The following ATP10B variants were observed in gnomAD, a reference collection of about 807,000 sequenced individuals.
The protein encoded by ATP10B is ATPase phospholipid transporting 10B (putative).
ATP10B carries 122 observed loss-of-function variants against 141.2 expected under a neutral mutation model. The ratio of observed to expected loss-of-function variants is 0.86; its 90% CI spans 0.75 to 1.00. ATP10B has a LOEUF of 1.00. ATP10B is among the 50% of genes least tolerant of loss of function. The pLI is 0.00. For missense variants in ATP10B, 1,876 were observed against 1,825.3 expected (o/e 1.03, Z -0.51); for synonymous variants, 685 against 692.0 (o/e 0.99, Z 0.16).
intron 18 of ATP10B, chr5:160,611,769 C>T (rs564468951): frequency 6.6e-6 from 1 of 152,386 alleles, no homozygotes; most frequent in East Asian, 1.9e-4. Context: ...TTTCCGTCTT[C>T]TTTCGTTTTC....
intron 1 of ATP10B, among the ~76,000 whole-genome samples, chr5:160,800,766 G>C (rs1380906305): frequency 2.0e-5 from 3 of 152,194 alleles, no homozygotes; most frequent in Non-Finnish European, 2.9e-5. Flanking sequence ...TGCTGAGTCT[G>C]AGCAGAAAGT....
chr5:160,870,055 G>C, the ATP10B span, among the ~76,000 whole-genome samples: 1 of 152,256 alleles, frequency 6.6e-6, no homozygotes, highest in East Asian at 1.9e-4. Context: ...AATATGATCA[G>C]AGCCTAACTG....
rs1446631726 is a variant in ATP10B, at chr5:160,653,100, GTATA to G, written c.676-3848_676-3845del. Among the ~76,000 whole-genome samples the G allele has an allele frequency of 2.5e-5, 3 of 119,800 alleles. No homozygotes were observed. In the East Asian group the frequency reaches 7.0e-4, roughly 28 times the overall value. The allele number at this position is 119,800 out of a possible 152,430, so 78.6% of individuals were successfully genotyped here. The stretch of plus-strand genomic sequence containing the variant: ...TAGTGTATATATTATATATACACGT[GTATA>G]TATAACATATACATGTATATATTAT... On this transcript the variant is annotated intron_variant, in intron 7 of 25. Coordinates refer to ENST00000327245, the MANE Select transcript of ATP10B (RefSeq NM_025153.3).
chr5:160,684,733 A>C lies in ATP10B; in HGVS notation c.470+1346T>G. 3 of 591,618 alleles carry C rather than the reference A, an allele frequency of 5.1e-6. No homozygotes were observed. In the South Asian group the frequency reaches 6.4e-5, roughly 13 times the overall value. 36.6% of individuals were successfully genotyped at this position (591,618 alleles called of 1,614,324 possible). ...ACAGCTTCCCTGAAATAAAATAATG[A>C]TATCTCCCTACTCCATCCCTTCTAC... On this transcript the variant is annotated intron_variant, in intron 6 of 25. Transcript: ENST00000327245.
the ATP10B span, among the ~76,000 whole-genome samples, chr5:160,875,161 GC>G: frequency 4.8e-5 from 6 of 124,608 alleles, no homozygotes; most frequent in South Asian, 1.5e-3. Flanking sequence ...TCAAAGGGAA[GC>G]CCATCACACT....
chr5:160,675,340 T>C (rs1762957703), intron 6 of ATP10B, among the ~76,000 whole-genome samples: 1 of 152,192 alleles, frequency 6.6e-6, no homozygotes, highest in African/African-American at 2.4e-5. Flanking sequence ...TCTGGCAGAT[T>C]CTGCCACGAG....
intron 1 of ATP10B, among the ~76,000 whole-genome samples, chr5:160,795,375 G>C (rs991856578): frequency 1.3e-5 from 2 of 152,070 alleles, no homozygotes; most frequent in Non-Finnish European, 2.9e-5. Flanking sequence ...ACTCAGATTG[G>C]TGTCTACTGT....
intron 24 of ATP10B, among the ~76,000 whole-genome samples, chr5:160,581,451 G>A (rs1164840173): frequency 6.6e-6 from 1 of 152,164 alleles, no homozygotes; most frequent in African/African-American, 2.4e-5. Flanking sequence ...CCATGTAGTT[G>A]TTCAGTTTCA....
At chr5:160,685,561 C>T (rs532396982) in intron 6 of ATP10B, among the ~76,000 whole-genome samples, 2 of 152,304 alleles carry the variant, frequency 1.3e-5, no homozygotes, top group Admixed American at 1.3e-4. Context: ...ACCCAAGCAA[C>T]TGAGGCTTTA....
At chr5:160,698,686 G>C (rs1475430271) in intron 3 of ATP10B, among the ~76,000 whole-genome samples, 1 of 151,190 alleles carries the variant, frequency 6.6e-6, no homozygotes, top group East Asian at 2.2e-4. Flanking sequence ...GTTGGGAGAT[G>C]AGATATATAT....
intron 7 of ATP10B, among the ~76,000 whole-genome samples, chr5:160,659,187 C>T (rs1253491734): frequency 3.3e-5 from 5 of 152,128 alleles, no homozygotes; most frequent in African/African-American, 7.2e-5. Flanking sequence ...CCTTTCAGGC[C>T]GGGCGCAGTG....
chr5:160,924,364 C>T, the ATP10B span, among the ~76,000 whole-genome samples: 1 of 152,164 alleles, frequency 6.6e-6, no homozygotes, highest in South Asian at 2.1e-4. Context: ...TTTCCTCTTC[C>T]TTAAAATAAT....
intron 16 of ATP10B, among the ~76,000 whole-genome samples, chr5:160,617,600 AT>A (rs768008254): frequency 6.6e-6 from 1 of 152,228 alleles, no homozygotes; most frequent in Non-Finnish European, 1.5e-5. Flanking sequence ...AACTGAAAAA[AT>A]GTCATGAGTT....
chr5:160,793,464 T>A (rs1771732829), intron 1 of ATP10B, among the ~76,000 whole-genome samples: 1 of 152,218 alleles, frequency 6.6e-6, no homozygotes, highest in South Asian at 2.1e-4. Context: ...TAACTATCCA[T>A]TATGAAGTAT....
At chr5:160,632,011 G>A (rs1023775992) in intron 13 of ATP10B, 118 bp downstream of exon 13, 6 of 868,374 alleles carry the variant, frequency 6.9e-6, no homozygotes, top group Middle Eastern at 3.4e-4. Flanking sequence ...ACAAAACCAA[G>A]GGCACCATTT....
At chr5:160,690,996 C>G (rs1764042686) in intron 3 of ATP10B, among the ~76,000 whole-genome samples, 1 of 152,072 alleles carries the variant, frequency 6.6e-6, no homozygotes, top group Admixed American at 6.5e-5. Context: ...GAAAATGTGG[C>G]ACATACATAG....
chr5:160,595,087 C>CATTCTTCTCAGCACCACATCACACTT (rs1756584691), intron 22 of ATP10B, among the ~76,000 whole-genome samples: 1 of 152,112 alleles, frequency 6.6e-6, no homozygotes, highest in South Asian at 2.1e-4. Flanking sequence ...CAAGAATATA[C>CATTCTTCTCAGCACCACATCACACTT]ATTCTTCTCA....
the ATP10B span, among the ~76,000 whole-genome samples, chr5:160,860,966 G>T: frequency 2.0e-5 from 3 of 151,906 alleles, no homozygotes; most frequent in Non-Finnish European, 2.9e-5. Context: ...AACTGCTTCA[G>T]TAGGTCATAT....
In ATP10B at chr5:160,686,286, G is replaced by A. The variant is rs775076516; in HGVS notation, c.276-13C>T. 2 of 1,556,800 alleles carry A rather than the reference G, an allele frequency of 1.3e-6. No homozygotes were observed. The highest frequency in any genetic ancestry group is 1.7e-6 in the Non-Finnish European group (2 of 1,145,510). ...GAGGTTAGCCCATCTGGAGGGGCAAGCGAAGTGTGAATAAACACTATGGAG... is the reference window on the plus strand; with the variant it reads ...GAGGTTAGCCCATCTGGAGGGGCAAACGAAGTGTGAATAAACACTATGGAG... On this transcript the variant is annotated splice_polypyrimidine_tract_variant and intron_variant, in intron 5 of 25. Transcript: ENST00000327245.
Sources: allele counts gnomAD v4.1 joint callset (sites outside exome capture counted in the v4.1 genomes callset), GRCh38; gene constraint gnomAD v4.1.1; transcripts MANE v1.5; gene names NCBI Gene and HGNC (gene_info 2026-07-23, HGNC 2026-07-21).